The following CDH23 variants were observed in gnomAD, a reference collection of about 807,000 sequenced individuals.
The protein encoded by CDH23 is cadherin-23.
In CDH23, 189 loss-of-function variants were observed where a neutral mutation model predicts 317.1. The observed-to-expected ratio is 0.60, with a 90% CI of 0.53 to 0.67. The LOEUF is 0.67. Among genes scored for constraint, CDH23 ranks in the 30% least tolerant of loss-of-function variants. The pLI, the probability that CDH23 is intolerant of heterozygous loss-of-function variation, is 0.00. For missense variants in CDH23, 4,401 were observed against 4,592.4 expected (o/e 0.96, Z 1.20); for synonymous variants, 1,839 against 1,876.8 (o/e 0.98, Z 0.52).
intron 60 of CDH23, among the ~76,000 whole-genome samples, chr10:71,808,571 CTGTGTGG>C (rs1433235524): frequency 2.0e-5 from 3 of 152,230 alleles, no homozygotes; most frequent in Non-Finnish European, 4.4e-5. Context: ...GTGCACTGAC[CTGTGTGG>C]ATGGCTGAGA....
chr10:71,668,666 A>C (rs1864012701), intron 14 of CDH23, among the ~76,000 whole-genome samples: 1 of 152,226 alleles, frequency 6.6e-6, no homozygotes, highest in Admixed American at 6.5e-5. Flanking sequence ...ATTTGGTGGC[A>C]CATAGTTAAG....
intron 8 of CDH23, among the ~76,000 whole-genome samples, chr10:71,571,965 G>A (rs1857846967): frequency 6.6e-6 from 1 of 152,218 alleles, no homozygotes; most frequent in Non-Finnish European, 1.5e-5. Flanking sequence ...CTCATTTGGA[G>A]ACCATGGCTG....
intron 14 of CDH23, among the ~76,000 whole-genome samples, chr10:71,671,645 TGC>T (rs10532003): frequency 0.55 from 66,415 of 120,570 alleles, 15,222 homozygotes; most frequent in East Asian, 0.69. Context: ...TCGCTGCCCC[TGC>T]TGCCTGGATA....
intron 9 of CDH23, among the ~76,000 whole-genome samples, chr10:71,592,012 T>C (rs777517323): frequency 1.3e-4 from 20 of 152,062 alleles, no homozygotes; most frequent in Non-Finnish European, 2.6e-4. Context: ...TAAAGGACAG[T>C]GGACAGACGG....
chr10:71,617,224 A>T lies in CDH23; in HGVS notation c.965A>T (p.Asp322Val). The T allele has an allele frequency of 6.2e-7, 1 of 1,613,788 alleles. No homozygotes were observed. Among genetic ancestry groups the T allele is most frequent in the South Asian group, 1.1e-5 (1 of 91,068 alleles). The change falls in exon 11 of 70, where the codon GAC (aspartate) becomes GTC (valine). Residue 322 changes from aspartate to valine, a missense_variant. Coordinates refer to ENST00000224721, the MANE Select transcript of CDH23 (RefSeq NM_022124.6). ...CCATAGGGCACGGAGCTGAACGATGACCGCACCCCATCTGACGCTACAGTC... is the reference window on the plus strand; with the variant it reads ...CCATAGGGCACGGAGCTGAACGATGTCCGCACCCCATCTGACGCTACAGTC... ...LTVKGTELNDDRTPSDATVTT... is the reference protein window; with the variant it reads ...LTVKGTELNDVRTPSDATVTT...
At chr10:71,546,557 G>A (rs1284797683) in intron 6 of CDH23, among the ~76,000 whole-genome samples, 1 of 152,240 alleles carries the variant, frequency 6.6e-6, no homozygotes, top group African/African-American at 2.4e-5. Flanking sequence ...TGATAAACAA[G>A]TTGGGACTGA....
At chr10:71,501,709 G>A (rs1424980124) in intron 3 of CDH23, among the ~76,000 whole-genome samples, 1 of 152,210 alleles carries the variant, frequency 6.6e-6, no homozygotes, top group East Asian at 1.9e-4. Flanking sequence ...CACTTAACTG[G>A]CCTGTCTGAT....
At chr10:71,504,584 G>A (rs1853529617) in intron 3 of CDH23, among the ~76,000 whole-genome samples, 1 of 152,222 alleles carries the variant, frequency 6.6e-6, no homozygotes, top group African/African-American at 2.4e-5. Context: ...ACTGGGCATG[G>A]TTTGGGTGGC....
Position 71,784,930 on chromosome 10 carries a change from G to C in CDH23, c.5542G>C (p.Asp1848His). ...GIRVLDINDN[D>H]PVLLNLPMNI... ...CCGGGTGCTGGACATCAACGACAAC[G>C]ACCCTGTGCTGCTGAACCTGCCCAT... The change falls in exon 43 of 70, where the codon GAC (aspartate) becomes CAC (histidine). Residue 1848 changes from aspartate to histidine, a missense_variant. By Grantham distance (81) the Asp-to-His change is moderately conservative. This residue lies in a region of CDH23 where 3,068 missense variants were observed against 3,203.3 expected (regional missense o/e 0.96). Transcript: ENST00000224721. 1 of 1,614,022 alleles carries C rather than the reference G, an allele frequency of 6.2e-7. No homozygotes were observed. Among genetic ancestry groups the C allele is most frequent in the Non-Finnish European group, 8.5e-7 (1 of 1,179,914 alleles).
At position 71,579,662 on chromosome 10, in the gene CDH23, G is replaced by A. The variant is rs183709875; in HGVS notation, c.832+1670G>A. ...GGCAGTCTTCAGACGGGGATGTGAGGAAGCCAGGCCCAGGAAGGAAACTGT... is the reference window on the plus strand; with the variant it reads ...GGCAGTCTTCAGACGGGGATGTGAGAAAGCCAGGCCCAGGAAGGAAACTGT... On this transcript the variant is annotated intron_variant, in intron 9 of 69. Coordinates refer to ENST00000224721, the MANE Select transcript of CDH23 (RefSeq NM_022124.6). Among the ~76,000 whole-genome samples the A allele has an allele frequency of 7.2e-5, 11 of 152,284 alleles. No individual in the cohort carries two copies. The East Asian group carries it at 2.1e-3, about 29-fold the overall frequency.
chr10:71,810,481 G>A lies in CDH23; in HGVS notation c.8989G>A (p.Asp2997Asn). The change falls in exon 62 of 70, where the codon GAC becomes AAC. Residue 2997 changes from aspartate (D) to asparagine (N), a missense_variant. Around this residue, in one of 3 missense-constraint regions of CDH23, gnomAD observed 1,144 missense variants for 1,138.2 expected, o/e 1.01. Coordinates refer to ENST00000224721, the MANE Select transcript of CDH23 (RefSeq NM_022124.6). Reference sequence around the variant, plus strand: ...ACCCCTTCTCATCTAGTTCCATGTGGACAAGAAGGGCCGGGTGAACTTTGC... The same window carrying A: ...ACCCCTTCTCATCTAGTTCCATGTGAACAAGAAGGGCCGGGTGAACTTTGC... The part of the protein sequence containing the change: ...VNTDNVQFHV[D>N]KKGRVNFAQT... 3 of 1,613,968 alleles carry A rather than the reference G, an allele frequency of 1.9e-6. No individual in the cohort carries two copies. The highest frequency in any genetic ancestry group is 2.2e-5 in the South Asian group (2 of 91,074).
chr10:71,403,285 CT>C (rs951698475), intron 1 of CDH23, among the ~76,000 whole-genome samples: 11 of 152,086 alleles, frequency 7.2e-5, no homozygotes, highest in African/African-American at 2.7e-4. Flanking sequence ...GCCGGTACCC[CT>C]TTCATTTGCT....
intron 10 of CDH23, among the ~76,000 whole-genome samples, chr10:71,616,414 G>A (rs906477941): frequency 7.2e-5 from 11 of 152,190 alleles, no homozygotes; most frequent in South Asian, 2.1e-4. Context: ...ATGGGAGGGC[G>A]TGCTCCCACC....
At chr10:71,455,502 TC>T (rs1850651815) in intron 3 of CDH23, among the ~76,000 whole-genome samples, 1 of 152,234 alleles carries the variant, frequency 6.6e-6, no homozygotes, top group Non-Finnish European at 1.5e-5. Flanking sequence ...ATACTTATAT[TC>T]ATTCGTTCAA....
intron 11 of CDH23, chr10:71,622,839 C>A: frequency 1.6e-6 from 1 of 624,674 alleles, no homozygotes; most frequent in Non-Finnish European, 2.0e-6. Context: ...GGGATTGGGA[C>A]ACCACTCTCT....
chr10:71,446,401 T>C lies in CDH23; in HGVS notation c.145+6T>C, dbSNP rs372660833. The C allele has an allele frequency of 5.0e-6, 8 of 1,613,596 alleles. No homozygotes were observed. Among genetic ancestry groups the C allele is most frequent in the Non-Finnish European group, 6.8e-6 (8 of 1,179,772 alleles). On this transcript the variant is annotated splice_donor_region_variant and intron_variant, in intron 3 of 69. Coordinates refer to ENST00000224721, the MANE Select transcript of CDH23 (RefSeq NM_022124.6). ...CAGCGAGGACACGCCTGTGGGTGAG[T>C]GGGGGCATGGGCTGGTGGGCGTGCA...
At chr10:71,809,331 A>G (rs1589436452) in intron 60 of CDH23, among the ~76,000 whole-genome samples, 2 of 151,938 alleles carry the variant, frequency 1.3e-5, no homozygotes, top group Admixed American at 1.3e-4. Context: ...TGCATGCACC[A>G]CCATGCCTGG....
At chr10:71,669,056 C>T (rs1864032637) in intron 14 of CDH23, among the ~76,000 whole-genome samples, 1 of 152,226 alleles carries the variant, frequency 6.6e-6, no homozygotes, top group South Asian at 2.1e-4. Flanking sequence ...CACCCTCTCC[C>T]CCACATGCTG....
In CDH23 at chr10:71,707,026, C is replaced by A. The variant is rs746750027; in HGVS notation, c.3083C>A (p.Ala1028Glu). The change falls in exon 26 of 70, where the codon GCA (alanine) becomes GAA (glutamate). Residue 1028 changes from alanine to glutamate, a missense_variant. Ala to Glu is a moderately radical substitution (Grantham distance 107, BLOSUM62 -1). This residue lies in a region of CDH23 where 3,068 missense variants were observed against 3,203.3 expected (regional missense o/e 0.96). Coordinates refer to ENST00000224721, the MANE Select transcript of CDH23 (RefSeq NM_022124.6). ...NCTDNDVGLN[A>E]ELSYFITGGN... ...ACGGACAACGACGTGGGCCTCAATG[C>A]AGAGCTCAGCTACTTCATCACAGGT... The A allele has an allele frequency of 3.1e-6, 5 of 1,606,482 alleles. No individual in the cohort carries two copies. The highest frequency in any genetic ancestry group is 1.1e-5 in the South Asian group (1 of 89,482).
Sources: allele counts gnomAD v4.1 joint callset (sites outside exome capture counted in the v4.1 genomes callset), GRCh38; gene constraint gnomAD v4.1.1; regional missense constraint gnomAD v4.1.1; transcripts MANE v1.5; gene names NCBI Gene and HGNC (gene_info 2026-07-23, HGNC 2026-07-21).